Variants in NLGN1 observed in about 807,000 individuals in gnomAD.
NLGN1 encodes neuroligin 1.
NLGN1 carries 12 observed loss-of-function variants against 65.5 expected under a neutral mutation model. That is an observed-to-expected ratio of 0.18 (90% confidence interval 0.12 to 0.30). NLGN1 has a LOEUF of 0.30. Ranked by LOEUF, NLGN1 falls within the 10% of genes least tolerant of loss-of-function variation. The pLI, the probability that NLGN1 is intolerant of heterozygous loss-of-function variation, is 1.00. For synonymous variants in NLGN1, 350 were observed against 359.5 expected (o/e 0.97, Z 0.30); for missense variants, 750 against 1,007.1 (o/e 0.74, Z 3.46).
chr3:173,973,247 A>C (rs910793701), intron 4 of NLGN1, among the ~76,000 whole-genome samples: 1 of 152,126 alleles, frequency 6.6e-6, no homozygotes, highest in African/African-American at 2.4e-5. Context: ...ACATATAAGA[A>C]AATTGTAGTT....
chr3:174,108,953 T>C (rs1018400864), intron 4 of NLGN1, among the ~76,000 whole-genome samples: 3 of 152,102 alleles, frequency 2.0e-5, no homozygotes, highest in African/African-American at 7.2e-5. Context: ...ATATATATAG[T>C]ACATACACAC....
chr3:173,974,765 C>T (rs1222656864), intron 4 of NLGN1, among the ~76,000 whole-genome samples: 1 of 151,956 alleles, frequency 6.6e-6, no homozygotes, highest in Non-Finnish European at 1.5e-5. Flanking sequence ...CTACAGCAGG[C>T]CCTATTTTCT....
intron 3 of NLGN1, among the ~76,000 whole-genome samples, chr3:173,683,193 A>T (rs1341141559): frequency 2.0e-5 from 3 of 152,132 alleles, no homozygotes; most frequent in African/African-American, 7.2e-5. Context: ...AAATACAGAG[A>T]TCTAATTTGA....
intron 4 of NLGN1, among the ~76,000 whole-genome samples, chr3:174,253,338 C>T (rs757644726): frequency 3.3e-5 from 5 of 152,148 alleles, no homozygotes; most frequent in Non-Finnish European, 5.9e-5. Flanking sequence ...GTCTCTTGCA[C>T]CATCTCTGCC....
chr3:174,255,530 A>G (rs1021090855), intron 4 of NLGN1, among the ~76,000 whole-genome samples: 18 of 151,864 alleles, frequency 1.2e-4, no homozygotes, highest in African/African-American at 2.9e-4. Context: ...AAATCAGCCA[A>G]ACTCCTTCTG....
Position 173,904,258 on chromosome 3 carries a change from T to C in NLGN1, c.646+96426T>C, listed in dbSNP as rs141258443. On this transcript the variant is annotated intron_variant, in intron 4 of 6. Coordinates refer to ENST00000457714, the Ensembl canonical transcript of NLGN1. ...CCCTTTCTCATTTTTTAATCTCTCC[T>C]TTTATCTCTCCTTTCTCCTTTCCAA... Among the ~76,000 whole-genome samples, 690 of 152,218 alleles carry C rather than the reference T, an allele frequency of 4.5e-3. 6 individuals carry two copies. Among genetic ancestry groups the C allele is most frequent in the South Asian group, 0.026 (127 of 4,820 alleles).
intron 2 of NLGN1, among the ~76,000 whole-genome samples, chr3:173,499,555 T>C (rs901318308): frequency 4.6e-5 from 7 of 151,970 alleles, no homozygotes; most frequent in East Asian, 1.9e-4. Context: ...TTTGGTTCCA[T>C]ATGAAGTTTA....
chr3:173,840,717 C>T (rs1171461188), intron 4 of NLGN1, among the ~76,000 whole-genome samples: 1 of 152,106 alleles, frequency 6.6e-6, no homozygotes, highest in Non-Finnish European at 1.5e-5. Flanking sequence ...TCTTCTCATA[C>T]TCACATTTTT....
At chr3:173,969,890 T>C (rs1400912272) in intron 4 of NLGN1, among the ~76,000 whole-genome samples, 1 of 151,920 alleles carries the variant, frequency 6.6e-6, no homozygotes, top group African/African-American at 2.4e-5. Flanking sequence ...TGCAGATTTC[T>C]GCATGGAGAA....
rs549221977 is a variant in NLGN1 at position 173,446,845 on chromosome 3, G to T, written c.-321+11767G>T. ...ATGAACATTTTTTCATGTGTTTTTT[G>T]GCTGCATAAATGTCTTCTTTTGCGA... On this transcript the variant is annotated intron_variant, in intron 2 of 6. Coordinates refer to ENST00000457714, the Ensembl canonical transcript of NLGN1. Among the ~76,000 whole-genome samples, 12 of 152,166 alleles carry T rather than the reference G, an allele frequency of 7.9e-5. No homozygotes were observed. The South Asian group carries it at 2.5e-3, about 32-fold the overall frequency.
intron 2 of NLGN1, among the ~76,000 whole-genome samples, chr3:173,448,189 G>A (rs922972188): frequency 2.6e-5 from 4 of 152,052 alleles, no homozygotes; most frequent in African/African-American, 9.7e-5. Context: ...TATGATATTG[G>A]CTGTGGGTTT....
chr3:173,919,113 A>G (rs1056385416), intron 4 of NLGN1, among the ~76,000 whole-genome samples: 8 of 152,144 alleles, frequency 5.3e-5, no homozygotes, highest in African/African-American at 1.9e-4. Flanking sequence ...GTCCACTTGG[A>G]TAATCCAGGA....
chr3:173,777,619 GTCTGTCTGTCTGTCTATCTATCTATCTA>G (rs368504833), intron 3 of NLGN1, among the ~76,000 whole-genome samples: 3,033 of 143,776 alleles, frequency 0.021, 29 homozygotes, highest in African/African-American at 0.028. Flanking sequence ...CTGTCTGTCT[GTCTGTCTGTCTGTCTATCTATCTATCTA>G]TCTATCTATC....
chr3:173,781,034 C>T (rs1258574639), intron 3 of NLGN1, among the ~76,000 whole-genome samples: 1 of 150,894 alleles, frequency 6.6e-6, no homozygotes, highest in East Asian at 2.0e-4. Flanking sequence ...GTCCCAGCTA[C>T]TCGGGAGGCT....
intron 4 of NLGN1, among the ~76,000 whole-genome samples, chr3:174,214,007 C>T (rs1025008718): frequency 2.6e-5 from 4 of 151,974 alleles, no homozygotes; most frequent in Non-Finnish European, 4.4e-5. Context: ...TTTTTTAGCA[C>T]TTTAAAAATA....
intron 3 of NLGN1, among the ~76,000 whole-genome samples, chr3:173,782,811 C>T (rs1407574958): frequency 6.6e-6 from 1 of 151,332 alleles, no homozygotes; most frequent in Non-Finnish European, 1.5e-5. Flanking sequence ...CATTCCCCTA[C>T]CCCCCGCTCC....
At chr3:173,909,235 G>A (rs1267272340) in intron 4 of NLGN1, among the ~76,000 whole-genome samples, 2 of 151,958 alleles carry the variant, frequency 1.3e-5, no homozygotes, top group African/African-American at 4.8e-5. Flanking sequence ...TAAAAAAAAA[G>A]CCCAGACAAT....
At chr3:173,831,917 TA>T (rs1247389099) in intron 4 of NLGN1, among the ~76,000 whole-genome samples, 5 of 151,818 alleles carry the variant, frequency 3.3e-5, no homozygotes, top group African/African-American at 1.2e-4. Flanking sequence ...GCTATCTTTA[TA>T]ATTATTATTT....
At chr3:173,519,315 T>C (rs969606334) in intron 2 of NLGN1, among the ~76,000 whole-genome samples, 7 of 152,194 alleles carry the variant, frequency 4.6e-5, no homozygotes, top group East Asian at 1.9e-4. Flanking sequence ...AGAGTCCCCA[T>C]TGGGACACTG....
Sources: allele counts gnomAD v4.1 joint callset (sites outside exome capture counted in the v4.1 genomes callset), GRCh38; gene constraint gnomAD v4.1.1; transcripts MANE v1.5; gene names NCBI Gene and HGNC (gene_info 2026-07-23, HGNC 2026-07-21).